The following ALOX12 variants were observed in gnomAD, a reference collection of about 807,000 sequenced individuals.
ALOX12 encodes polyunsaturated fatty acid lipoxygenase ALOX12.
A neutral mutation model predicts 85.5 loss-of-function variants in ALOX12; 62 were observed. That is an observed-to-expected ratio of 0.73 (90% confidence interval 0.59 to 0.90). The LOEUF (loss-of-function observed/expected upper bound fraction) is 0.90, where lower values mean the gene tolerates loss of function less well. Among genes scored for constraint, ALOX12 ranks in the 40% least tolerant of loss-of-function variants. The probability of loss-of-function intolerance (pLI) is 0.00; values close to 1 mark genes in which losing one functional copy is unlikely to be tolerated. For synonymous variants in ALOX12, 299 were observed against 332.7 expected (o/e 0.90, Z 1.10); for missense variants, 751 against 856.5 (o/e 0.88, Z 1.54).
chr17:7,001,884 T>G, intron 8 of ALOX12, 73 bp downstream of exon 8: 1 of 1,357,880 alleles, frequency 7.4e-7, no homozygotes, highest in Non-Finnish European at 1.0e-6. Flanking sequence ...CAAAAGATAT[T>G]GCAGCAGCAA....
Position 7,000,400 on chromosome 17 carries a change from G to A in ALOX12, c.872G>A (p.Gly291Glu), listed in dbSNP as rs1164162959. ...LDGIPANVIR[G>E]EKQYLAAPLV... ...GGAATTCCAGCCAACGTGATCCGAG[G>A]AGAGAAGCAATACCTGGCTGCCCCC... Residue 291 changes from glycine to glutamate, a missense_variant, in exon 7 of 14, where the codon GGA (glycine) becomes GAA (glutamate). Physicochemically the swap from Gly to Glu is moderately conservative, Grantham distance 98. Transcript: ENST00000251535. This position sits in a 1 kb window ranked among gnomAD's most constrained non-coding sequence, Gnocchi z 4.6. The A allele has an allele frequency of 1.2e-6, 2 of 1,614,164 alleles. No individual in the cohort carries two copies. Among genetic ancestry groups the A allele is most frequent in the Non-Finnish European group, 1.7e-6 (2 of 1,180,012 alleles).
rs1908637491 is a variant in ALOX12 at position 7,000,094 on chromosome 17, G to C, written c.808-242G>C. Among the ~76,000 whole-genome samples, 1 of 152,152 alleles carries C rather than the reference G, an allele frequency of 6.6e-6. No homozygotes were observed. Among genetic ancestry groups the C allele is most frequent in the African/African-American group, 2.4e-5 (1 of 41,424 alleles). On this transcript the variant is annotated intron_variant, in intron 6 of 13. Coordinates refer to ENST00000251535, the MANE Select transcript of ALOX12 (RefSeq NM_000697.3). The surrounding 1 kb of genome is among the most constrained non-coding windows in gnomAD (Gnocchi z 4.6). ...ATGCCTGTGATGCCAACTGGATTGA[G>C]CAGGCCTGGTTCCAAACCCAGATCT...
At chr17:7,002,218 T>C (rs1908745708) in intron 8 of ALOX12, 1 of 330,910 alleles carries the variant, frequency 3.0e-6, no homozygotes, top group Admixed American at 4.6e-5. Flanking sequence ...TGAAGAATGT[T>C]TCTACCCAAT....
Position 6,998,581 on chromosome 17 carries a change from A to G in ALOX12, c.410A>G (p.Gln137Arg), listed in dbSNP as rs781244509. ...HREKELKDRQ[Q>R]IYCWATWKEG... The stretch of plus-strand genomic sequence containing the variant: ...GAGAAGGAACTGAAAGACAGACAGC[A>G]GATCTACTGGTGACCACCCACCCCT... Residue 137 changes from glutamine (Q) to arginine (R), a missense_variant, in exon 3 of 14, where the codon CAG (glutamine) becomes CGG (arginine). Transcript: ENST00000251535. The G allele has an allele frequency of 1.2e-6, 2 of 1,613,602 alleles. No individual in the cohort carries two copies. The highest frequency in any genetic ancestry group is 1.7e-6 in the Non-Finnish European group (2 of 1,179,638).
chr17:6,999,683 G>C (rs1473847894), intron 6 of ALOX12: 5 of 535,374 alleles, frequency 9.3e-6, no homozygotes, highest in East Asian at 3.3e-5. Context: ...CCAGCACACA[G>C]AGAGGGGCTG....
chr17:7,003,593 A>AT lies in ALOX12; in HGVS notation c.1162-1656dup, dbSNP rs548763274. 8.8e-3 allele frequency among the ~76,000 whole-genome samples: 1,334 copies of AT among 151,876 alleles called. 14 individuals carry two copies. The highest frequency in any genetic ancestry group is 0.015 in the Non-Finnish European group (988 of 67,924). On this transcript the variant is annotated intron_variant, in intron 8 of 13. Coordinates refer to ENST00000251535, the MANE Select transcript of ALOX12 (RefSeq NM_000697.3). ...AGGTGTGCACCACCATGCCTGGCTA[A>AT]TTTTTTTTATTTTTTGTAGAGACAG...
In ALOX12 at chr17:7,005,584, G is replaced by A. The variant is rs11078661; in HGVS notation, c.1248+241G>A. ...CCATCTCCGCCTCCTGGGTTCAAGC[G>A]ATTCTCCTGCCTCAGCCTCCCGAGT... On this transcript the variant is annotated intron_variant, in intron 9 of 13. Transcript: ENST00000251535. 0.087 allele frequency among the ~76,000 whole-genome samples: 12,749 copies of A among 145,756 alleles called. 951 individuals are homozygous for A. Among genetic ancestry groups the A allele is most frequent in the Admixed American group, 0.26 (3,752 of 14,380 alleles).
intron 8 of ALOX12, among the ~76,000 whole-genome samples, chr17:7,003,251 A>G (rs11571339): frequency 0.052 from 7,912 of 152,302 alleles, 290 homozygotes; most frequent in Non-Finnish European, 0.084. Context: ...TCAAGCCTGC[A>G]CATGTCTTAA....
At position 7,000,288 on chromosome 17, in the gene ALOX12, G is replaced by A. The variant is rs755056027; in HGVS notation, c.808-48G>A. On this transcript the variant is annotated intron_variant, in intron 6 of 13. Coordinates refer to ENST00000251535, the MANE Select transcript of ALOX12 (RefSeq NM_000697.3). This position sits in a 1 kb window ranked among gnomAD's most constrained non-coding sequence, Gnocchi z 4.6. The stretch of plus-strand genomic sequence containing the variant: ...TCTTGCCCTTTGCCCCGGCCCCCTG[G>A]GGGTAGACTTTGAACTCTAAAAATG... The A allele has an allele frequency of 1.9e-6, 3 of 1,606,396 alleles. No individual in the cohort carries two copies. The highest frequency in any genetic ancestry group is 2.2e-5 in the South Asian group (2 of 90,538).
intron 11 of ALOX12, among the ~76,000 whole-genome samples, chr17:7,007,557 A>G (rs562137633): frequency 6.6e-6 from 1 of 152,320 alleles, no homozygotes; most frequent in East Asian, 1.9e-4. Context: ...TTCTCAGTAC[A>G]GTCCCTTAGG....
intron 11 of ALOX12, among the ~76,000 whole-genome samples, chr17:7,007,204 C>T (rs752050030): frequency 6.6e-6 from 1 of 152,184 alleles, no homozygotes; most frequent in Non-Finnish European, 1.5e-5. Flanking sequence ...CCAACTCTTC[C>T]ACCCTAACCA....
chr17:6,998,619 G>A (rs747454228), intron 3 of ALOX12, 29 bp downstream of exon 3: 24 of 1,545,828 alleles, frequency 1.6e-5, no homozygotes, highest in South Asian at 1.1e-4. Flanking sequence ...AACTAACCCC[G>A]CCACCACTGT....
intron 2 of ALOX12, 24 bp downstream of exon 2, chr17:6,997,051 G>C: frequency 6.6e-7 from 1 of 1,516,990 alleles, no homozygotes; most frequent in Non-Finnish European, 8.9e-7. Flanking sequence ...GTCGGGGAAG[G>C]AGGCACAAGG....
chr17:7,001,851 CAG>C, intron 8 of ALOX12, 40 bp downstream of exon 8: 1 of 1,566,496 alleles, frequency 6.4e-7, no homozygotes, highest in African/African-American at 1.4e-5. Flanking sequence ...CCTCAGACCC[CAG>C]AGAGAGGAAC....
At chr17:6,999,257 G>C (rs1229559075) in intron 5 of ALOX12, 49 bp from the exon 6 acceptor site, 1 of 1,611,160 alleles carries the variant, frequency 6.2e-7, no homozygotes, top group Non-Finnish European at 8.5e-7. Context: ...TTTGGAGAAG[G>C]GATATGCAGG....
Position 6,999,568 on chromosome 17 carries a change from A to G in ALOX12, c.807+102A>G, listed in dbSNP as rs2292352. ...AGTCAGAGGAAGGCTGCAGTACTGCATTGCCCCTTGGTGCAGTCCTGTGCT... is the reference window on the plus strand; with the variant it reads ...AGTCAGAGGAAGGCTGCAGTACTGCGTTGCCCCTTGGTGCAGTCCTGTGCT... On this transcript the variant is annotated intron_variant, in intron 6 of 13. Coordinates refer to ENST00000251535, the MANE Select transcript of ALOX12 (RefSeq NM_000697.3). The G allele has an allele frequency of 0.58, 736,291 of 1,279,708 alleles. 213,817 individuals are homozygous for G. Among genetic ancestry groups the G allele is most frequent in the Admixed American group, 0.68 (32,821 of 48,292 alleles). 79.3% of individuals were successfully genotyped at this position (1,279,708 alleles called of 1,614,324 possible).
At chr17:7,003,206 C>T (rs571780633) in intron 8 of ALOX12, among the ~76,000 whole-genome samples, 33 of 152,320 alleles carry the variant, frequency 2.2e-4, no homozygotes, top group Admixed American at 1.6e-3. Context: ...CATGCCCCAG[C>T]GGACAGCTGA....
Position 6,998,821 on chromosome 17 carries a change from T to C in ALOX12, c.526T>C (p.Trp176Arg), listed in dbSNP as rs773592042. 3.7e-6 allele frequency: 6 copies of C among 1,614,000 alleles called. No individual in the cohort carries two copies. Among genetic ancestry groups the C allele is most frequent in the Admixed American group, 3.3e-5 (2 of 59,990 alleles). ...FHEEKRLDFEWTLKAGALEMA... is the reference protein window; with the variant it reads ...FHEEKRLDFERTLKAGALEMA... ...TGAGGAGAAGAGGCTGGACTTTGAA[T>C]GGACACTGAAGGCAGGGTGAGAAAA... is the stretch of plus-strand genomic sequence containing the variant. Residue 176 changes from tryptophan to arginine, a missense_variant, in exon 4 of 14, where the codon TGG becomes CGG. Physicochemically the swap from Trp to Arg is moderately radical, Grantham distance 101. Coordinates refer to ENST00000251535, the MANE Select transcript of ALOX12 (RefSeq NM_000697.3).
intron 1 of ALOX12, 83 bp downstream of exon 1, chr17:6,996,335 C>G: frequency 3.5e-6 from 4 of 1,136,760 alleles, no homozygotes; most frequent in Non-Finnish European, 4.4e-6. Flanking sequence ...GGCGGGAGGG[C>G]GGGAGGCTGG....
Sources: allele counts gnomAD v4.1 joint callset (sites outside exome capture counted in the v4.1 genomes callset), GRCh38; gene constraint gnomAD v4.1.1; non-coding constraint Gnocchi (gnomAD v3.1); transcripts MANE v1.5; gene names NCBI Gene and HGNC (gene_info 2026-07-23, HGNC 2026-07-21).